Variants in PTPN14 observed in about 807,000 individuals in gnomAD.
The protein encoded by PTPN14 is protein tyrosine phosphatase non-receptor type 14, also known as tyrosine-protein phosphatase non-receptor type 14.
A neutral mutation model predicts 126.8 loss-of-function variants in PTPN14; 53 were observed. The observed-to-expected ratio is 0.42, with a 90% CI of 0.34 to 0.53. The LOEUF (loss-of-function observed/expected upper bound fraction) is 0.53, where lower values mean the gene tolerates loss of function less well. Among genes scored for constraint, PTPN14 ranks in the 20% least tolerant of loss-of-function variants. The pLI, the probability that PTPN14 is intolerant of heterozygous loss-of-function variation, is 0.08. For synonymous variants in PTPN14, 630 were observed against 599.3 expected, an observed-to-expected ratio of 1.05 and a Z score of -0.75; for missense variants, 1,257 against 1,552.9, an observed-to-expected ratio of 0.81 and a Z score of 3.20.
chr1:214,398,011 ACCAAC>A lies in PTPN14; in HGVS notation c.670-15_670-11del. ...AGTTTCCATGATTGTCCTGGGTAAG[ACCAAC>A]AAAAGATACTTGTGATGACCCATGT... is the stretch of plus-strand genomic sequence containing the variant. On this transcript the variant is annotated splice_polypyrimidine_tract_variant and intron_variant, in intron 7 of 18. Transcript: ENST00000366956. The A allele has an allele frequency of 6.3e-7, 1 of 1,592,874 alleles. No individual in the cohort carries two copies. Among genetic ancestry groups the A allele is most frequent in the Non-Finnish European group, 8.6e-7 (1 of 1,161,618 alleles).
intron 3 of PTPN14, among the ~76,000 whole-genome samples, chr1:214,415,429 C>G (rs966482829): frequency 6.6e-6 from 1 of 152,218 alleles, no homozygotes; most frequent in African/African-American, 2.4e-5. Flanking sequence ...ACTTCTCACT[C>G]AAGACGTTTA....
intron 3 of PTPN14, among the ~76,000 whole-genome samples, chr1:214,437,301 T>C (rs1007640838): frequency 2.0e-5 from 3 of 152,224 alleles, no homozygotes; most frequent in African/African-American, 4.8e-5. Context: ...AATTCTCACT[T>C]TAAAAATTAA....
At chr1:214,382,817 T>C (rs1658505197) in intron 13 of PTPN14, among the ~76,000 whole-genome samples, 1 of 152,258 alleles carries the variant, frequency 6.6e-6, no homozygotes, top group Non-Finnish European at 1.5e-5. Context: ...TTTTCTTGAA[T>C]CTGTGTGAAA....
At chr1:214,448,312 G>A (rs888459380) in intron 3 of PTPN14, among the ~76,000 whole-genome samples, 4 of 152,012 alleles carry the variant, frequency 2.6e-5, no homozygotes, top group African/African-American at 7.2e-5. Context: ...CTCACTGCAA[G>A]CTCCGCCTCC....
At chr1:214,406,904 TGA>T (rs1659184966) in intron 5 of PTPN14, among the ~76,000 whole-genome samples, 1 of 152,208 alleles carries the variant, frequency 6.6e-6, no homozygotes, top group Non-Finnish European at 1.5e-5. Flanking sequence ...AGGCCTTTAA[TGA>T]GAGTAAGGCG....
At chr1:214,460,596 A>AAC (rs201138584) in intron 2 of PTPN14, among the ~76,000 whole-genome samples, 2 of 146,776 alleles carry the variant, frequency 1.4e-5, no homozygotes, top group African/African-American at 5.1e-5. Context: ...TGAAAATTCT[A>AAC]ACACACACAC....
intron 17 of PTPN14, 58 bp downstream of exon 17, chr1:214,369,399 T>C: frequency 6.7e-7 from 1 of 1,491,338 alleles, no homozygotes; most frequent in Admixed American, 1.7e-5. Context: ...AACAGATGAA[T>C]TATTGACACA....
chr1:214,388,590 T>C lies in PTPN14; in HGVS notation c.988-1668A>G, dbSNP rs150539918. Among the ~76,000 whole-genome samples the C allele has an allele frequency of 8.4e-3, 1,278 of 152,190 alleles. 15 individuals are homozygous for C. The highest frequency in any genetic ancestry group is 0.029 in the African/African-American group (1,214 of 41,530). On this transcript the variant is annotated intron_variant, in intron 11 of 18. Transcript: ENST00000366956. The stretch of plus-strand genomic sequence containing the variant: ...GCCCTTCTAGTTTTTGTATTTTTAG[T>C]AGAGACGGGGTTTCACCATGTTGGC...
chr1:214,438,419 TC>T, intron 3 of PTPN14, among the ~76,000 whole-genome samples: 1 of 152,294 alleles, frequency 6.6e-6, no homozygotes, highest in Middle Eastern at 3.4e-3. Context: ...GGAATACATG[TC>T]TATGATAATA....
At chr1:214,538,662 T>A (rs772421647) in intron 1 of PTPN14, among the ~76,000 whole-genome samples, 8 of 152,202 alleles carry the variant, frequency 5.3e-5, no homozygotes, top group Non-Finnish European at 1.0e-4. Context: ...ATAATTGCAA[T>A]GGCATTTCTA....
chr1:214,461,020 T>C (rs936592622), intron 2 of PTPN14, among the ~76,000 whole-genome samples: 39 of 151,974 alleles, frequency 2.6e-4, no homozygotes, highest in African/African-American at 9.2e-4. Flanking sequence ...GGGGGTGATG[T>C]TGACAGTGGG....
intron 3 of PTPN14, among the ~76,000 whole-genome samples, chr1:214,444,005 G>A (rs2102624439): frequency 6.6e-6 from 1 of 152,298 alleles, no homozygotes; most frequent in South Asian, 2.1e-4. Context: ...AGGGAGGTGG[G>A]GAGTTGAGAC....
intron 10 of PTPN14, among the ~76,000 whole-genome samples, chr1:214,392,052 G>T (rs906362945): frequency 7.2e-5 from 11 of 152,138 alleles, no homozygotes; most frequent in Non-Finnish European, 2.9e-5. Context: ...ATCGCCCTCT[G>T]GAGAAGGATG....
At chr1:214,406,984 T>A (rs2102573588) in intron 5 of PTPN14, among the ~76,000 whole-genome samples, 1 of 152,198 alleles carries the variant, frequency 6.6e-6, no homozygotes, top group Admixed American at 6.5e-5. Flanking sequence ...ATGTACACAC[T>A]CTAAAATTCT....
chr1:214,389,023 G>C (rs1203342690), intron 11 of PTPN14, among the ~76,000 whole-genome samples: 3 of 152,190 alleles, frequency 2.0e-5, no homozygotes, highest in Non-Finnish European at 4.4e-5. Context: ...AAGAAAAGGT[G>C]CTATATTCCC....
At chr1:214,464,254 G>T (rs930985633) in intron 2 of PTPN14, among the ~76,000 whole-genome samples, 2 of 146,062 alleles carry the variant, frequency 1.4e-5, no homozygotes, top group Non-Finnish European at 3.0e-5. Flanking sequence ...GCATCCGTAT[G>T]TGGGCGTTTT....
At chr1:214,407,998 C>T (rs1659210556) in intron 5 of PTPN14, among the ~76,000 whole-genome samples, 1 of 148,434 alleles carries the variant, frequency 6.7e-6, no homozygotes, top group Non-Finnish European at 1.5e-5. Context: ...GCCTCTGCTC[C>T]TTCTCTCTCT....
In PTPN14 at chr1:214,364,010, C is replaced by A; in HGVS notation, c.3435+502G>T. Among the ~76,000 whole-genome samples, 1 of 152,146 alleles carries A rather than the reference C, an allele frequency of 6.6e-6. No homozygotes were observed. Among genetic ancestry groups the A allele is most frequent in the Non-Finnish European group, 1.5e-5 (1 of 68,030 alleles). On this transcript the variant is annotated intron_variant, in intron 18 of 18. Transcript: ENST00000366956. This position sits in a 1 kb window ranked among gnomAD's most constrained non-coding sequence, Gnocchi z 4.1. Reference sequence around the variant, plus strand: ...CGTGCTCAAAGTATCTACTCTGCTCCGCTACACCACGCAACAACCAGACTA... The same window carrying A: ...CGTGCTCAAAGTATCTACTCTGCTCAGCTACACCACGCAACAACCAGACTA...
chr1:214,468,023 C>A (rs1572019127), intron 1 of PTPN14, among the ~76,000 whole-genome samples: 1 of 151,730 alleles, frequency 6.6e-6, no homozygotes, highest in East Asian at 1.9e-4. Context: ...AGTGTGTGAA[C>A]CCTGACTAAA....
Sources: gnomAD v4.1 joint callset for allele counts (sites outside exome capture counted in the v4.1 genomes callset) on GRCh38, gnomAD v4.1.1 for gene constraint, Gnocchi (gnomAD v3.1) non-coding constraint, MANE v1.5 for transcripts, NCBI Gene and HGNC (gene_info 2026-07-23, HGNC 2026-07-21) for gene names.